Variants in TAOK3 observed in about 807,000 individuals in gnomAD.
TAOK3 encodes the protein serine/threonine-protein kinase TAO3.
Under a neutral mutation model 120.4 loss-of-function variants are expected in TAOK3, and 40 were observed. The ratio of observed to expected loss-of-function variants is 0.33; its 90% CI spans 0.26 to 0.43. TAOK3 has a LOEUF of 0.43. TAOK3 is among the 20% of genes least tolerant of loss of function. The probability of loss-of-function intolerance (pLI) is 1.00; values close to 1 mark genes in which losing one functional copy is unlikely to be tolerated. For missense variants in TAOK3, 821 were observed against 1,112.1 expected (o/e 0.74, Z 3.72); for synonymous variants, 355 against 387.5 (o/e 0.92, Z 0.99).
At chr12:118,224,946 G>T (rs199662287) in intron 9 of TAOK3, among the ~76,000 whole-genome samples, 3 of 151,880 alleles carry the variant, frequency 2.0e-5, no homozygotes, top group Admixed American at 2.0e-4. Context: ...ATGTAATTTC[G>T]ATGTTAAAAG....
At position 118,290,956 on chromosome 12, in the gene TAOK3, C is replaced by T. The variant is rs982453311; in HGVS notation, c.-193-24197G>A. On this transcript the variant is annotated intron_variant, in intron 1 of 20. Coordinates refer to ENST00000392533, the MANE Select transcript of TAOK3 (RefSeq NM_016281.4). Reference sequence around the variant, plus strand: ...AGGCTGGAGTGCCGTGGCGTGATCTCGGCTCACTGCAACCTCTGCCTCTCG... The same window carrying T: ...AGGCTGGAGTGCCGTGGCGTGATCTTGGCTCACTGCAACCTCTGCCTCTCG... 1.0e-4 allele frequency among the ~76,000 whole-genome samples: 15 copies of T among 150,424 alleles called. No homozygotes were observed. The East Asian group carries it at 1.6e-3, about 16-fold the overall frequency.
intron 1 of TAOK3, among the ~76,000 whole-genome samples, chr12:118,328,962 G>C (rs1445403760): frequency 6.6e-6 from 1 of 152,148 alleles, no homozygotes; most frequent in Non-Finnish European, 1.5e-5. Flanking sequence ...ATATTATCTT[G>C]AACATGTTAA....
intron 1 of TAOK3, among the ~76,000 whole-genome samples, chr12:118,342,587 G>C (rs2044660628): frequency 6.6e-6 from 1 of 152,080 alleles, no homozygotes; most frequent in Non-Finnish European, 1.5e-5. Flanking sequence ...AAAACATGCA[G>C]TATAAAATAT....
chr12:118,227,409 A>G (rs1593226117), intron 9 of TAOK3, among the ~76,000 whole-genome samples: 1 of 151,238 alleles, frequency 6.6e-6, no homozygotes, highest in Admixed American at 6.6e-5. Flanking sequence ...AGACCATTGT[A>G]GCAACTCCTC....
intron 17 of TAOK3, among the ~76,000 whole-genome samples, chr12:118,166,513 G>A (rs1038296124): frequency 2.0e-5 from 3 of 151,242 alleles, no homozygotes; most frequent in Non-Finnish European, 4.4e-5. Flanking sequence ...ATTCCAGCCT[G>A]GGCAACAAGA....
chr12:118,195,257 A>C (rs2037657557), intron 13 of TAOK3, among the ~76,000 whole-genome samples: 1 of 152,222 alleles, frequency 6.6e-6, no homozygotes, highest in Non-Finnish European at 1.5e-5. Context: ...CTATACTAAT[A>C]GAAGGCAGCA....
At chr12:118,309,327 CAAAAAA>C in intron 1 of TAOK3, among the ~76,000 whole-genome samples, 1 of 71,108 alleles carries the variant, frequency 1.4e-5, no homozygotes, top group East Asian at 4.0e-4. Flanking sequence ...AGACTGTCTC[CAAAAAA>C]AAAAAAAAAA....
At chr12:118,225,829 G>C (rs964079342) in intron 9 of TAOK3, among the ~76,000 whole-genome samples, 2 of 152,166 alleles carry the variant, frequency 1.3e-5, no homozygotes, top group Non-Finnish European at 2.9e-5. Context: ...ATCACAATCT[G>C]TCCATCGCCT....
At chr12:118,325,138 A>C (rs2043884555) in intron 1 of TAOK3, among the ~76,000 whole-genome samples, 1 of 152,192 alleles carries the variant, frequency 6.6e-6, no homozygotes, top group South Asian at 2.1e-4. Flanking sequence ...TAAACACTTA[A>C]CATTGCTTCC....
At chr12:118,215,157 G>A (rs1008517739) in intron 9 of TAOK3, among the ~76,000 whole-genome samples, 39 of 149,442 alleles carry the variant, frequency 2.6e-4, no homozygotes, top group Non-Finnish European at 5.4e-4. Flanking sequence ...GGGATTACAG[G>A]CGTGAGCCAC....
intron 16 of TAOK3, 143 bp from the exon 17 acceptor site, chr12:118,172,803 AT>A (rs200061853): frequency 3.0e-5 from 21 of 690,106 alleles, no homozygotes; most frequent in Admixed American, 5.6e-5. Context: ...CCTTCCCCCA[AT>A]TTTTTTTATT....
chr12:118,228,101 C>G (rs1049064861), intron 9 of TAOK3, among the ~76,000 whole-genome samples: 4 of 150,500 alleles, frequency 2.7e-5, no homozygotes, highest in Non-Finnish European at 5.9e-5. Context: ...GTTTACTGTT[C>G]TAGAATTATA....
chr12:118,213,080 A>C, intron 10 of TAOK3, 85 bp from the exon 11 acceptor site: 1 of 836,118 alleles, frequency 1.2e-6, no homozygotes, highest in Non-Finnish European at 1.7e-6. Context: ...TTCAAGGGAA[A>C]ATTTTGCATT....
chr12:118,353,688 G>A (rs1463550252), intron 1 of TAOK3, among the ~76,000 whole-genome samples: 7 of 152,150 alleles, frequency 4.6e-5, no homozygotes, highest in African/African-American at 7.2e-5. Context: ...AAAGGTGCAC[G>A]AGGTGCAGTG....
intron 13 of TAOK3, 136 bp from the exon 14 acceptor site, chr12:118,190,077 TC>T: frequency 9.1e-7 from 1 of 1,104,844 alleles, no homozygotes; most frequent in Non-Finnish European, 1.3e-6. Flanking sequence ...TCCCCGCAGC[TC>T]CCACGGTACA....
intron 3 of TAOK3, among the ~76,000 whole-genome samples, chr12:118,249,166 A>T (rs2040642501): frequency 6.6e-6 from 1 of 152,230 alleles, no homozygotes; most frequent in Non-Finnish European, 1.5e-5. Context: ...TCATTGATTC[A>T]AGAAATACTT....
intron 1 of TAOK3, among the ~76,000 whole-genome samples, chr12:118,300,231 C>T (rs1282858226): frequency 6.6e-6 from 1 of 152,156 alleles, no homozygotes; most frequent in Non-Finnish European, 1.5e-5. Flanking sequence ...ACAACAATAT[C>T]CCCATTTACT....
chr12:118,226,913 C>A (rs921554081), intron 9 of TAOK3, among the ~76,000 whole-genome samples: 16 of 152,260 alleles, frequency 1.1e-4, no homozygotes, highest in African/African-American at 3.6e-4. Context: ...ATGTCAACTG[C>A]TGTTGACATT....
intron 1 of TAOK3, among the ~76,000 whole-genome samples, chr12:118,361,988 G>A (rs906027879): frequency 1.1e-4 from 17 of 152,102 alleles, no homozygotes; most frequent in Admixed American, 9.8e-4. Context: ...TGGTGCGAAT[G>A]TAAATTAGTC....
Sources: allele counts gnomAD v4.1 joint callset (sites outside exome capture counted in the v4.1 genomes callset), GRCh38; gene constraint gnomAD v4.1.1; transcripts MANE v1.5; gene names NCBI Gene and HGNC (gene_info 2026-07-23, HGNC 2026-07-21).